UNC5D: variants seen among roughly 807,000 people sequenced by gnomAD.
The protein encoded by UNC5D is unc-5 netrin receptor D.
In UNC5D, 39 loss-of-function variants were observed where a neutral mutation model predicts 105.4. The ratio of observed to expected loss-of-function variants is 0.37; its 90% CI spans 0.29 to 0.48. The LOEUF is 0.48. Among genes scored for constraint, UNC5D ranks in the 20% least tolerant of loss-of-function variants. The pLI is 0.98. For synonymous variants in UNC5D, 452 were observed against 450.4 expected, an observed-to-expected ratio of 1.00 and a Z score of -0.04; for missense variants, 991 against 1,202.4, an observed-to-expected ratio of 0.82 and a Z score of 2.60.
At chr8:35,348,992 A>G (rs1585640714) in intron 1 of UNC5D, among the ~76,000 whole-genome samples, 2 of 151,964 alleles carry the variant, frequency 1.3e-5, no homozygotes, top group Admixed American at 6.6e-5. Context: ...TTCTTAAAAA[A>G]TTTAGCAAAT....
intron 1 of UNC5D, among the ~76,000 whole-genome samples, chr8:35,492,941 G>T (rs1249178170): frequency 6.6e-6 from 1 of 152,096 alleles, no homozygotes; most frequent in African/African-American, 2.4e-5. Flanking sequence ...TCTGGGTGTG[G>T]TGAAGGCTTT....
intron 1 of UNC5D, among the ~76,000 whole-genome samples, chr8:35,526,764 C>T (rs1259169403): frequency 6.6e-6 from 1 of 151,678 alleles, no homozygotes; most frequent in Admixed American, 6.6e-5. Flanking sequence ...TAGTTTCCTC[C>T]GAGTATTCAA....
chr8:35,395,509 A>T (rs538680693), intron 1 of UNC5D, among the ~76,000 whole-genome samples: 2 of 152,252 alleles, frequency 1.3e-5, no homozygotes, highest in East Asian at 3.9e-4. Context: ...TTTTGTCTAT[A>T]TTGCTCAAGT....
chr8:35,750,899 G>A (rs1171443424), intron 13 of UNC5D, 90 bp downstream of exon 13: 6 of 1,513,614 alleles, frequency 4.0e-6, no homozygotes, highest in Admixed American at 1.7e-5. Flanking sequence ...TTATTACTGA[G>A]GGTCTAGAAA....
intron 1 of UNC5D, among the ~76,000 whole-genome samples, chr8:35,424,271 TTAA>T (rs1806103000): frequency 6.6e-6 from 1 of 152,208 alleles, no homozygotes; most frequent in South Asian, 2.1e-4. Flanking sequence ...AGTTATCACA[TTAA>T]TAAAAAGGAA....
chr8:35,511,572 C>T (rs902718204), intron 1 of UNC5D, among the ~76,000 whole-genome samples: 5 of 150,316 alleles, frequency 3.3e-5, no homozygotes, highest in African/African-American at 1.2e-4. Flanking sequence ...AAACAAAGGT[C>T]GAGAGGAGTT....
intron 3 of UNC5D, among the ~76,000 whole-genome samples, chr8:35,571,791 T>C (rs767554569): frequency 1.7e-4 from 26 of 152,218 alleles, no homozygotes; most frequent in Non-Finnish European, 3.5e-4. Context: ...GATTGGTTTT[T>C]GAAATACTAG....
At chr8:35,745,937 G>A (rs1401304222) in intron 11 of UNC5D, among the ~76,000 whole-genome samples, 4 of 151,992 alleles carry the variant, frequency 2.6e-5, no homozygotes, top group Admixed American at 2.0e-4. Flanking sequence ...TATGCAATGT[G>A]GGAAAGCTTA....
Position 35,256,972 on chromosome 8 carries a change from T to G in UNC5D, c.103+21085T>G, listed in dbSNP as rs370823150. On this transcript the variant is annotated intron_variant, in intron 1 of 16. Coordinates refer to ENST00000404895, the MANE Select transcript of UNC5D (RefSeq NM_080872.4). ...TGCTCTTTTTTTGTTTTTTTTTTTT[T>G]TTTGTTTTTTGTTTTTTTTTGACTG... Among the ~76,000 whole-genome samples, 1,378 of 150,264 alleles carry G rather than the reference T, an allele frequency of 9.2e-3. 18 individuals are homozygous for G. The highest frequency in any genetic ancestry group is 0.03 in the African/African-American group (1,192 of 40,256).
intron 4 of UNC5D, 107 bp downstream of exon 4, chr8:35,595,764 G>T: frequency 1.1e-6 from 1 of 945,324 alleles, no homozygotes; most frequent in Non-Finnish European, 1.6e-6. Context: ...CCCATGTCTG[G>T]GATTCTTGTT....
rs868342219 is a variant in UNC5D at position 35,274,359 on chromosome 8, C to T, written c.103+38472C>T. On this transcript the variant is annotated intron_variant, in intron 1 of 16. Transcript: ENST00000404895. ...ATTGCTTAAGTTCAGCATAGCGGCACTCGTGTTCTAAGAGACTAAACTGCC... is the reference window on the plus strand; with the variant it reads ...ATTGCTTAAGTTCAGCATAGCGGCATTCGTGTTCTAAGAGACTAAACTGCC... 2.2e-4 allele frequency among the ~76,000 whole-genome samples: 33 copies of T among 152,172 alleles called. 1 individual carries two copies. Among genetic ancestry groups the T allele is most frequent in the African/African-American group, 6.8e-4 (28 of 41,428 alleles).
At chr8:35,708,043 CT>C (rs1827703634) in intron 8 of UNC5D, among the ~76,000 whole-genome samples, 1 of 152,064 alleles carries the variant, frequency 6.6e-6, no homozygotes, top group African/African-American at 2.4e-5. Context: ...GAAAGAGGGG[CT>C]TAATGTGAGA....
intron 1 of UNC5D, among the ~76,000 whole-genome samples, chr8:35,454,306 C>T (rs1164005900): frequency 6.6e-6 from 1 of 152,026 alleles, no homozygotes; most frequent in Non-Finnish European, 1.5e-5. Flanking sequence ...TTTTTTTCAC[C>T]TCATGCAGAG....
At chr8:35,249,071 A>C (rs1305787552) in intron 1 of UNC5D, among the ~76,000 whole-genome samples, 1 of 119,168 alleles carries the variant, frequency 8.4e-6, no homozygotes, top group Non-Finnish European at 1.6e-5. Context: ...AAATATATAT[A>C]ATATATAAAA....
chr8:35,454,424 C>T (rs1808355000), intron 1 of UNC5D, among the ~76,000 whole-genome samples: 1 of 152,260 alleles, frequency 6.6e-6, no homozygotes. Context: ...GAGCTGCTCA[C>T]CCCTTCCCAC....
intron 1 of UNC5D, among the ~76,000 whole-genome samples, chr8:35,391,793 A>AT (rs375456258): frequency 2.3e-4 from 35 of 152,346 alleles, no homozygotes; most frequent in African/African-American, 7.9e-4. Context: ...AGTTCTTGGC[A>AT]TAAAAACTTT....
intron 1 of UNC5D, among the ~76,000 whole-genome samples, chr8:35,446,359 C>T (rs1193806734): frequency 1.3e-5 from 2 of 151,988 alleles, no homozygotes; most frequent in African/African-American, 4.8e-5. Context: ...GAATCTGCAA[C>T]TGGAGATCAG....
chr8:35,617,644 T>C (rs993792060), intron 4 of UNC5D, among the ~76,000 whole-genome samples: 1 of 152,196 alleles, frequency 6.6e-6, no homozygotes, highest in African/African-American at 2.4e-5. Context: ...TTGTGCAAAT[T>C]GCAGTGGCTT....
At chr8:35,329,423 A>C (rs963896770) in intron 1 of UNC5D, among the ~76,000 whole-genome samples, 4 of 107,164 alleles carry the variant, frequency 3.7e-5, no homozygotes, top group African/African-American at 9.6e-5. Context: ...ATATATATAT[A>C]TATATGGGGA....
Sources: gnomAD v4.1 joint callset for allele counts (sites outside exome capture counted in the v4.1 genomes callset) on GRCh38, gnomAD v4.1.1 for gene constraint, MANE v1.5 for transcripts, NCBI Gene and HGNC (gene_info 2026-07-23, HGNC 2026-07-21) for gene names.